TRAPPC9: variants seen among roughly 807,000 people sequenced by gnomAD.
TRAPPC9 encodes IKK2 binding protein.
In TRAPPC9, 83 loss-of-function variants were observed where a neutral mutation model predicts 124.0. The ratio of observed to expected loss-of-function variants is 0.67; its 90% CI spans 0.56 to 0.80. The LOEUF (loss-of-function observed/expected upper bound fraction) is 0.80, where lower values mean the gene tolerates loss of function less well. Among genes scored for constraint, TRAPPC9 ranks in the 30% least tolerant of loss-of-function variants. The probability of loss-of-function intolerance (pLI) is 0.00; values close to 1 mark genes in which losing one functional copy is unlikely to be tolerated. For synonymous variants in TRAPPC9, 638 were observed against 617.5 expected (o/e 1.03, Z -0.49); for missense variants, 1,302 against 1,508.3 (o/e 0.86, Z 2.27).
chr8:140,372,490 C>T (rs2068310785), intron 7 of TRAPPC9, among the ~76,000 whole-genome samples: 1 of 152,218 alleles, frequency 6.6e-6, no homozygotes, highest in East Asian at 1.9e-4. Flanking sequence ...CACCTGTCCA[C>T]ACACCCCTGC....
At chr8:139,970,942 G>T (rs1486845565) in intron 19 of TRAPPC9, among the ~76,000 whole-genome samples, 1 of 138,698 alleles carries the variant, frequency 7.2e-6, no homozygotes, top group Non-Finnish European at 1.5e-5. Flanking sequence ...TGCCCTCCCC[G>T]AGTGAGTGAA....
intron 15 of TRAPPC9, among the ~76,000 whole-genome samples, chr8:140,267,373 G>A (rs1176524240): frequency 6.6e-6 from 1 of 152,212 alleles, no homozygotes; most frequent in Non-Finnish European, 1.5e-5. Flanking sequence ...CAAGCTCGAC[G>A]TTGTCCCAAG....
At chr8:140,229,082 C>A (rs947052244) in intron 16 of TRAPPC9, among the ~76,000 whole-genome samples, 5 of 151,886 alleles carry the variant, frequency 3.3e-5, no homozygotes, top group African/African-American at 1.2e-4. Flanking sequence ...AGAGAACCTA[C>A]CACCAACACG....
At chr8:139,785,537 A>AACACACACACACAC (rs57202244) in intron 21 of TRAPPC9, among the ~76,000 whole-genome samples, 6 of 138,202 alleles carry the variant, frequency 4.3e-5, no homozygotes, top group South Asian at 2.5e-4. Flanking sequence ...ATCTCTACTA[A>AACACACACACACAC]ACACACACAC....
intron 17 of TRAPPC9, among the ~76,000 whole-genome samples, chr8:140,033,673 T>TGTTG (rs1563706809): frequency 3.9e-5 from 3 of 76,732 alleles, no homozygotes; most frequent in Non-Finnish European, 7.8e-5. Flanking sequence ...TTTTTTTTTT[T>TGTTG]TTTTTTTTTT....
chr8:139,929,597 T>G (rs1016175314), intron 19 of TRAPPC9, among the ~76,000 whole-genome samples: 13 of 152,194 alleles, frequency 8.5e-5, no homozygotes, highest in Admixed American at 2.0e-4. Flanking sequence ...CACACAGAGT[T>G]ACCGTGCTGC....
intron 19 of TRAPPC9, among the ~76,000 whole-genome samples, chr8:139,971,400 C>T (rs187076822): frequency 8.2e-4 from 125 of 152,258 alleles, no homozygotes; most frequent in African/African-American, 3.0e-3. Context: ...TGAGCAATCC[C>T]CACCCAGCTG....
intron 9 of TRAPPC9, among the ~76,000 whole-genome samples, chr8:140,324,855 ACTT>A (rs1442449900): frequency 6.6e-6 from 1 of 152,250 alleles, no homozygotes; most frequent in Non-Finnish European, 1.5e-5. Flanking sequence ...CTATTAAATA[ACTT>A]CTTCAACTGA....
intron 8 of TRAPPC9, among the ~76,000 whole-genome samples, chr8:140,361,810 C>T (rs1278844046): frequency 6.6e-6 from 1 of 152,160 alleles, no homozygotes; most frequent in Non-Finnish European, 1.5e-5. Flanking sequence ...TATTGCATCC[C>T]CAGGACAGGG....
chr8:140,228,402 A>G (rs2063503534), intron 16 of TRAPPC9, among the ~76,000 whole-genome samples: 1 of 152,276 alleles, frequency 6.6e-6, no homozygotes, highest in South Asian at 2.1e-4. Flanking sequence ...CAGTTGGCTA[A>G]GAAATTAGCC....
At chr8:140,217,554 A>G (rs1220834330) in intron 17 of TRAPPC9, among the ~76,000 whole-genome samples, 2 of 152,060 alleles carry the variant, frequency 1.3e-5, no homozygotes, top group Non-Finnish European at 2.9e-5. Flanking sequence ...GACTTACAGC[A>G]TAATACAAAT....
chr8:139,764,659 C>G (rs143844301), intron 21 of TRAPPC9, among the ~76,000 whole-genome samples: 45 of 152,234 alleles, frequency 3.0e-4, no homozygotes, highest in Non-Finnish European at 4.9e-4. Flanking sequence ...ACACCAGGCT[C>G]CACACTTAAT....
intron 15 of TRAPPC9, among the ~76,000 whole-genome samples, chr8:140,254,805 A>G (rs4736160): frequency 0.22 from 33,617 of 152,198 alleles, 4,041 homozygotes; most frequent in African/African-American, 0.31. Context: ...CTATGGAATC[A>G]GTCTAGAATC....
chr8:140,049,721 A>G (rs956331346), intron 17 of TRAPPC9, among the ~76,000 whole-genome samples: 1 of 152,206 alleles, frequency 6.6e-6, no homozygotes, highest in African/African-American at 2.4e-5. Flanking sequence ...GCTGGAAATG[A>G]AAGCGGATCT....
chr8:140,305,101 T>G (rs968990865), intron 10 of TRAPPC9, among the ~76,000 whole-genome samples: 9 of 152,210 alleles, frequency 5.9e-5, no homozygotes, highest in African/African-American at 2.2e-4. Context: ...TTCCCCAGTG[T>G]GACTGATACA....
intron 1 of TRAPPC9, among the ~76,000 whole-genome samples, chr8:140,453,490 G>A (rs1007524125): frequency 4.4e-4 from 22 of 49,562 alleles, no homozygotes; most frequent in African/African-American, 1.5e-3. Context: ...CGGAGAGGAG[G>A]AGGACTGTGT....
At chr8:139,858,101 G>T (rs1201417012) in intron 21 of TRAPPC9, among the ~76,000 whole-genome samples, 1 of 152,232 alleles carries the variant, frequency 6.6e-6, no homozygotes, top group African/African-American at 2.4e-5. Flanking sequence ...TGTGACTGGG[G>T]CTTTGCCTTG....
At chr8:140,457,835 G>A (rs2071744669), upstream of TRAPPC9, 1 of 1,081,774 alleles carries the variant, frequency 9.2e-7, no homozygotes, top group South Asian at 2.8e-5. Flanking sequence ...CGCGAGGGAA[G>A]CAAGGGGGTA....
chr8:140,233,108 A>G (rs1307446546), intron 16 of TRAPPC9, among the ~76,000 whole-genome samples: 1 of 152,182 alleles, frequency 6.6e-6, no homozygotes, highest in African/African-American at 2.4e-5. Flanking sequence ...TAGAGCATTG[A>G]TTTTTAAAAG....
Sources: gnomAD v4.1 joint callset for allele counts (sites outside exome capture counted in the v4.1 genomes callset) on GRCh38, gnomAD v4.1.1 for gene constraint, MANE v1.5 for transcripts, NCBI Gene and HGNC (gene_info 2026-07-23, HGNC 2026-07-21) for gene names.